The following BABAM2 variants were observed in gnomAD, a reference collection of about 807,000 sequenced individuals.
BABAM2 encodes BRISC and BRCA1-A complex member 2.
In BABAM2, 31 loss-of-function variants were observed where a neutral mutation model predicts 54.7. The ratio of observed to expected loss-of-function variants is 0.57; its 90% CI spans 0.43 to 0.77. The LOEUF is 0.77. BABAM2 is among the 30% of genes least tolerant of loss of function. The pLI, the probability that BABAM2 is intolerant of heterozygous loss-of-function variation, is 0.00. For missense variants in BABAM2, 364 were observed against 455.8 expected, an observed-to-expected ratio of 0.80 and a Z score of 1.83; for synonymous variants, 167 against 162.9, an observed-to-expected ratio of 1.03 and a Z score of -0.19.
chr2:28,076,164 A>G (rs1664642220), intron 6 of BABAM2, among the ~76,000 whole-genome samples: 1 of 152,062 alleles, frequency 6.6e-6, no homozygotes, highest in South Asian at 2.1e-4. Flanking sequence ...ATTCCAGCAT[A>G]CAAGGGGGCT....
chr2:28,127,988 A>G (rs1173312531), intron 6 of BABAM2, among the ~76,000 whole-genome samples: 4 of 151,606 alleles, frequency 2.6e-5, no homozygotes, highest in African/African-American at 9.7e-5. Flanking sequence ...GTTTTTTTGT[A>G]TTTTTAGTAG....
intron 4 of BABAM2, among the ~76,000 whole-genome samples, chr2:27,992,768 C>T (rs779016007): frequency 4.7e-4 from 71 of 152,242 alleles, no homozygotes; most frequent in Admixed American, 7.8e-4. Context: ...TCTTTTGCTC[C>T]TTGCTCAGCC....
intron 7 of BABAM2, among the ~76,000 whole-genome samples, chr2:28,224,592 G>A (rs925220520): frequency 6.6e-5 from 10 of 152,176 alleles, no homozygotes; most frequent in Non-Finnish European, 1.3e-4. Flanking sequence ...AGACACTGCT[G>A]TGGGCCTCTG....
At chr2:28,319,979 C>T (rs933421645) in intron 11 of BABAM2, among the ~76,000 whole-genome samples, 1 of 152,160 alleles carries the variant, frequency 6.6e-6, no homozygotes, top group African/African-American at 2.4e-5. Context: ...CACCCACCCT[C>T]GGCAGGGAGT....
chr2:28,017,969 T>C (rs946875269), intron 4 of BABAM2, among the ~76,000 whole-genome samples: 1 of 152,230 alleles, frequency 6.6e-6, no homozygotes, highest in Non-Finnish European at 1.5e-5. Flanking sequence ...CTATGAACAT[T>C]TGTGTACAGG....
intron 3 of BABAM2, among the ~76,000 whole-genome samples, chr2:27,934,169 CACATTTTGGT>C (rs1184957717): frequency 6.6e-6 from 1 of 151,846 alleles, no homozygotes; most frequent in East Asian, 1.9e-4. Context: ...GCCTTTGTGT[CACATTTTGGT>C]AATTTTTGTA....
chr2:28,309,373 C>T (rs1422686517), intron 11 of BABAM2: 1 of 152,140 alleles, frequency 6.6e-6, no homozygotes, highest in African/African-American at 2.4e-5. Flanking sequence ...GTCTTAAAGT[C>T]ATCTGTGCCA....
At chr2:28,068,042 C>CT (rs141146307) in intron 6 of BABAM2, among the ~76,000 whole-genome samples, 11,200 of 147,048 alleles carry the variant, frequency 0.076, 584 homozygotes, top group African/African-American at 0.15. Flanking sequence ...GCTTTTTCTA[C>CT]TTTTTTTTTT....
chr2:28,113,577 G>A (rs187454076), intron 6 of BABAM2, among the ~76,000 whole-genome samples: 2 of 152,254 alleles, frequency 1.3e-5, no homozygotes, highest in East Asian at 1.9e-4. Flanking sequence ...TTGAAGTCAG[G>A]TAGCGTGATG....
Position 27,995,943 on chromosome 2 carries a change from C to A in BABAM2, c.300+7856C>A, listed in dbSNP as rs902436170. ...TTTTACAATTCTATTTGATTATTTT[C>A]TGTAAATTCCAATTATCTGGTTAAC... On this transcript the variant is annotated intron_variant, in intron 4 of 11. Transcript: ENST00000379624. This position sits in a 1 kb window ranked among gnomAD's most constrained non-coding sequence, Gnocchi z 4.1. 2.0e-5 allele frequency among the ~76,000 whole-genome samples: 3 copies of A among 152,132 alleles called. No homozygotes were observed. Among genetic ancestry groups the A allele is most frequent in the Non-Finnish European group, 1.5e-5 (1 of 68,006 alleles).
intron 2 of BABAM2, among the ~76,000 whole-genome samples, chr2:27,911,825 A>G (rs1027893112): frequency 6.6e-6 from 1 of 152,182 alleles, no homozygotes; most frequent in Non-Finnish European, 1.5e-5. Flanking sequence ...ATATGATTTG[A>G]AACAAATCTA....
chr2:28,224,235 A>G (rs568611419), intron 7 of BABAM2, among the ~76,000 whole-genome samples: 118 of 152,362 alleles, frequency 7.7e-4, no homozygotes, highest in Non-Finnish European at 1.4e-3. Context: ...AACATTAACT[A>G]TATCACATAC....
chr2:28,181,652 A>T (rs1303449911), intron 7 of BABAM2, among the ~76,000 whole-genome samples: 1 of 152,190 alleles, frequency 6.6e-6, no homozygotes, highest in Non-Finnish European at 1.5e-5. Flanking sequence ...TGTGCATGTA[A>T]CAAAATATTA....
intron 7 of BABAM2, among the ~76,000 whole-genome samples, chr2:28,191,321 A>G (rs1676883843): frequency 6.6e-6 from 1 of 152,254 alleles, no homozygotes; most frequent in Admixed American, 6.5e-5. Flanking sequence ...TGACTTTGAA[A>G]AACAGTTGGT....
chr2:28,244,199 C>T (rs1217708860), intron 9 of BABAM2, among the ~76,000 whole-genome samples: 1 of 152,124 alleles, frequency 6.6e-6, no homozygotes, highest in Non-Finnish European at 1.5e-5. Context: ...CAGGGGAACA[C>T]AGTGAAAGGG....
rs145898298 is a variant in BABAM2 at position 28,173,438 on chromosome 2, G to A, written c.680+44058G>A. Among the ~76,000 whole-genome samples, 970 of 152,266 alleles carry A rather than the reference G, an allele frequency of 6.4e-3. 8 individuals carry two copies. The highest frequency in any genetic ancestry group is 0.022 in the African/African-American group (918 of 41,546). On this transcript the variant is annotated intron_variant, in intron 7 of 11. Coordinates refer to ENST00000379624, the MANE Select transcript of BABAM2 (RefSeq NM_199191.3). ...TCGTCCCCCATATCCAAACAGCCCC[G>A]GGAGAGAGAAGGGAGAGAATTTTTA... is the stretch of plus-strand genomic sequence containing the variant.
chr2:28,211,333 G>A (rs1477585946), intron 7 of BABAM2, among the ~76,000 whole-genome samples: 1 of 144,740 alleles, frequency 6.9e-6, no homozygotes, highest in Non-Finnish European at 1.5e-5. Context: ...GTCATTCTTA[G>A]TATTTAATAA....
chr2:28,198,978 A>G (rs903797242), intron 7 of BABAM2, among the ~76,000 whole-genome samples: 1 of 152,212 alleles, frequency 6.6e-6, no homozygotes, highest in African/African-American at 2.4e-5. Flanking sequence ...AGGCCAGGCA[A>G]TGTGGATGAA....
chr2:27,959,986 C>T lies in BABAM2; in HGVS notation c.206-28007C>T, dbSNP rs199674153. Among the ~76,000 whole-genome samples the T allele has an allele frequency of 3.9e-5, 6 of 151,910 alleles. No individual in the cohort carries two copies. The East Asian group carries it at 1.2e-3, about 29-fold the overall frequency. ...GTCTACTTTTGAAGAATTCTGATTG[C>T]TTCATCCTAATTTTTCAGCATCTTA... On this transcript the variant is annotated intron_variant, in intron 3 of 11. Coordinates refer to ENST00000379624, the MANE Select transcript of BABAM2 (RefSeq NM_199191.3).
Sources: allele counts gnomAD v4.1 joint callset (sites outside exome capture counted in the v4.1 genomes callset), GRCh38; gene constraint gnomAD v4.1.1; non-coding constraint Gnocchi (gnomAD v3.1); transcripts MANE v1.5; gene names NCBI Gene and HGNC (gene_info 2026-07-23, HGNC 2026-07-21).